Variants in B4GALT6 observed in about 807,000 individuals in gnomAD.
B4GALT6 encodes the protein UDP-Gal:beta-GlcNAc beta-1,4-galactosyltransferase 6.
A neutral mutation model predicts 46.3 loss-of-function variants in B4GALT6; 14 were observed. The observed-to-expected ratio is 0.30, with a 90% CI of 0.20 to 0.47. B4GALT6 has a LOEUF of 0.47. B4GALT6 is among the 20% of genes least tolerant of loss of function. The pLI is 0.99. For synonymous variants in B4GALT6, 168 were observed against 162.0 expected, an observed-to-expected ratio of 1.04 and a Z score of -0.28; for missense variants, 386 against 480.1, an observed-to-expected ratio of 0.80 and a Z score of 1.83.
chr18:31,645,617 T>A (rs2073982581), intron 3 of B4GALT6, 138 bp from the exon 4 acceptor site: 1 of 735,190 alleles, frequency 1.4e-6, no homozygotes, highest in Non-Finnish European at 2.1e-6. Context: ...ACCACAAAAT[T>A]ATGAATAGCG....
At chr18:31,689,668 C>T (rs540680128), upstream of B4GALT6, among the ~76,000 whole-genome samples, 12 of 151,648 alleles carry the variant, frequency 7.9e-5, no homozygotes, top group Non-Finnish European at 1.0e-4. Context: ...TGCTTGAACC[C>T]GGGAGACGGA....
chr18:31,669,670 G>A (rs574148210), intron 1 of B4GALT6, among the ~76,000 whole-genome samples: 1 of 152,284 alleles, frequency 6.6e-6, no homozygotes, highest in Non-Finnish European at 1.5e-5. Flanking sequence ...GCAGGAAAAT[G>A]TTCAATAGAA....
chr18:31,624,732 G>A lies in B4GALT6; in HGVS notation c.*882C>T, dbSNP rs1324721660. 6.6e-6 allele frequency: 1 copy of A among 152,050 alleles called. No individual in the cohort carries two copies. Among genetic ancestry groups the A allele is most frequent in the Non-Finnish European group, 1.5e-5 (1 of 67,958 alleles). 9.4% of individuals were successfully genotyped at this position (152,050 alleles called of 1,614,324 possible). A position where few individuals can be genotyped will look rare whatever the true frequency, so the allele number is the denominator to read the frequency against. On this transcript the variant is annotated 3_prime_UTR_variant, in exon 9 of 9. Transcript: ENST00000306851. ...ACCGTGAATTTAAAAAAAATACACA[G>A]TATAAACACACAACCTTGGAAACAT... is the stretch of plus-strand genomic sequence containing the variant.
In B4GALT6 at chr18:31,622,952, G is replaced by A. The variant is rs569628554; in HGVS notation, c.*2662C>T. The A allele has an allele frequency of 6.6e-6, 1 of 152,036 alleles. No homozygotes were observed. Among genetic ancestry groups the A allele is most frequent in the Admixed American group, 6.6e-5 (1 of 15,256 alleles). The allele number at this position is 152,036 out of a possible 1,614,324, so 9.4% of individuals were successfully genotyped here. Reference sequence around the variant, plus strand: ...CCATAGGGACCTCCTATTAGCCCTAGGTCCACATATACGGGTTTCTTGACT... The same window carrying A: ...CCATAGGGACCTCCTATTAGCCCTAAGTCCACATATACGGGTTTCTTGACT... On this transcript the variant is annotated 3_prime_UTR_variant, in exon 9 of 9. Transcript: ENST00000306851.
chr18:31,669,759 T>C lies in B4GALT6; in HGVS notation c.116-3387A>G, dbSNP rs201504944. On this transcript the variant is annotated intron_variant, in intron 1 of 8. Transcript: ENST00000306851. ...ATTATCTGGGTGGGGCAGCATCACA[T>C]AGATTACTAATGACACCTGGTTTGC... Among the ~76,000 whole-genome samples, 8 of 152,358 alleles carry C rather than the reference T, an allele frequency of 5.3e-5. No individual in the cohort carries two copies. The East Asian group carries it at 7.7e-4, about 15-fold the overall frequency.
chr18:31,682,959 G>GT (rs1466014556), intron 1 of B4GALT6, among the ~76,000 whole-genome samples: 3 of 152,258 alleles, frequency 2.0e-5, no homozygotes, highest in Non-Finnish European at 4.4e-5. Flanking sequence ...CAAGGGGTAG[G>GT]TTTTTGTGAG....
chr18:31,663,635 T>C (rs937838852), intron 2 of B4GALT6, among the ~76,000 whole-genome samples: 1 of 152,254 alleles, frequency 6.6e-6, no homozygotes. Context: ...AATGAGCCAC[T>C]GCATATTAAT....
intron 2 of B4GALT6, among the ~76,000 whole-genome samples, chr18:31,660,329 TTC>T: frequency 6.6e-6 from 1 of 152,136 alleles, no homozygotes; most frequent in East Asian, 1.9e-4. Flanking sequence ...AAAAAAGGGC[TTC>T]TCTCTCTATG....
intron 1 of B4GALT6, among the ~76,000 whole-genome samples, chr18:31,676,195 G>C (rs1390530631): frequency 6.6e-6 from 1 of 152,024 alleles, no homozygotes. Flanking sequence ...TTATCAGGAA[G>C]GCAATACACG....
chr18:31,640,618 C>T (rs1003089129), intron 4 of B4GALT6, among the ~76,000 whole-genome samples: 3 of 152,160 alleles, frequency 2.0e-5, no homozygotes, highest in Non-Finnish European at 2.9e-5. Context: ...AGGTCTGGTG[C>T]CCCTGCCAGC....
intron 3 of B4GALT6, among the ~76,000 whole-genome samples, chr18:31,649,575 CAAAAAAA>C (rs66578099): frequency 1.3e-4 from 13 of 102,412 alleles, no homozygotes; most frequent in Non-Finnish European, 2.1e-4. Flanking sequence ...AAAAAATGAG[CAAAAAAA>C]AAAAAAAAAA....
intron 8 of B4GALT6, among the ~76,000 whole-genome samples, 175 bp from the exon 9 acceptor site, chr18:31,625,936 C>G (rs1200548998): frequency 6.6e-6 from 1 of 152,118 alleles, no homozygotes; most frequent in Admixed American, 6.5e-5. Context: ...AGCAATTTTA[C>G]TACTCAAGAA....
At chr18:31,693,295 C>G in the B4GALT6 span, among the ~76,000 whole-genome samples, 3 of 152,152 alleles carry the variant, frequency 2.0e-5, no homozygotes, top group Admixed American at 6.5e-5. Context: ...TTGTGTACAC[C>G]AGTACACAAG....
chr18:31,671,098 A>C (rs571677344), intron 1 of B4GALT6, among the ~76,000 whole-genome samples: 1 of 152,178 alleles, frequency 6.6e-6, no homozygotes, highest in Non-Finnish European at 1.5e-5. Flanking sequence ...TTATGGCTGC[A>C]TAATTCCATG....
intron 1 of B4GALT6, among the ~76,000 whole-genome samples, chr18:31,677,528 A>G (rs894603936): frequency 6.6e-6 from 1 of 152,206 alleles, no homozygotes; most frequent in African/African-American, 2.4e-5. Flanking sequence ...TAAATGCTTA[A>G]TTTTCCAAAG....
chr18:31,626,363 A>G lies in B4GALT6; in HGVS notation c.921T>C (p.Asn307=), dbSNP rs1421094113. The G allele has an allele frequency of 5.0e-6, 8 of 1,601,508 alleles. No individual in the cohort carries two copies. The East Asian group carries it at 6.7e-5, about 13-fold the overall frequency. ...CTAAGTCTCCCTCTGGTCTGGTTAC[A>G]TTATATCCAGCATAGTGAACTCTAC... ...LWNRVHYAGY[N]VTRPEGDLGK... Residue 307 remains asparagine (N), a synonymous_variant, in exon 8 of 9, where the codon AAT becomes AAC. Transcript: ENST00000306851.
chr18:31,625,589 TACCTTG>T lies in B4GALT6; in HGVS notation c.*19_*24del. On this transcript the variant is annotated 3_prime_UTR_variant, in exon 9 of 9. Coordinates refer to ENST00000306851, the MANE Select transcript of B4GALT6 (RefSeq NM_004775.5). ...AAGTTTATGATCCAGCATTGTGGTC[TACCTTG>T]CCACGACAGCCACTTCTTTTAATAG... 1.2e-6 allele frequency: 2 copies of T among 1,613,016 alleles called. No individual in the cohort carries two copies. The highest frequency in any genetic ancestry group is 1.7e-6 in the Non-Finnish European group (2 of 1,179,634).
At chr18:31,632,158 G>C (rs1362485515) in intron 5 of B4GALT6, among the ~76,000 whole-genome samples, 2 of 152,138 alleles carry the variant, frequency 1.3e-5, no homozygotes, top group African/African-American at 4.8e-5. Flanking sequence ...AGAAGTAAAT[G>C]AGACACACAT....
intron 1 of B4GALT6, among the ~76,000 whole-genome samples, chr18:31,673,561 T>C (rs577093426): frequency 9.8e-5 from 15 of 152,302 alleles, no homozygotes; most frequent in African/African-American, 3.6e-4. Context: ...TCCAGGGATA[T>C]AGAATCTTGG....
Sources: allele counts gnomAD v4.1 joint callset (sites outside exome capture counted in the v4.1 genomes callset), GRCh38; gene constraint gnomAD v4.1.1; transcripts MANE v1.5; gene names NCBI Gene and HGNC (gene_info 2026-07-23, HGNC 2026-07-21).